CAMKV: variants seen among roughly 807,000 people sequenced by gnomAD.
CAMKV encodes the protein caM kinase-like vesicle-associated protein.
In CAMKV, 5 loss-of-function variants were observed where a neutral mutation model predicts 50.2. That is an observed-to-expected ratio of 0.10 (90% CI 0.05 to 0.21). The LOEUF (loss-of-function observed/expected upper bound fraction) is 0.21. CAMKV is among the 10% of genes least tolerant of loss of function. The probability of loss-of-function intolerance (pLI) is 1.00; values close to 1 mark genes in which losing one functional copy is unlikely to be tolerated. For synonymous variants in CAMKV, 229 were observed against 250.1 expected, an observed-to-expected ratio of 0.92 and a Z score of 0.80; for missense variants, 361 against 650.5, an observed-to-expected ratio of 0.55 and a Z score of 4.84.
chr3:49,865,218 G>T, intron 1 of CAMKV, among the ~76,000 whole-genome samples: 1 of 152,248 alleles, frequency 6.6e-6, no homozygotes, highest in East Asian at 1.9e-4. Flanking sequence ...GGAGAAGCAT[G>T]TGGCCAGAAT....
Position 49,869,381 on chromosome 3 carries a change from T to C in CAMKV, c.-15+377A>G, listed in dbSNP as rs2082089205. 6.6e-6 allele frequency among the ~76,000 whole-genome samples: 1 copy of C among 151,980 alleles called. No homozygotes were observed. Among genetic ancestry groups the C allele is most frequent in the African/African-American group, 2.4e-5 (1 of 41,358 alleles). On this transcript the variant is annotated intron_variant, in intron 1 of 10. Transcript: ENST00000477224. The surrounding 1 kb of genome is among the most constrained non-coding windows in gnomAD (Gnocchi z 5.2). Reference sequence around the variant, plus strand: ...CGTTGTCATGGAAATTAGTGACTGCTAAGCGGGAGGGAAGGGGCCCGGGGA... The same window carrying C: ...CGTTGTCATGGAAATTAGTGACTGCCAAGCGGGAGGGAAGGGGCCCGGGGA...
rs532099388 is a variant in CAMKV, at chr3:49,861,920, C to T, written c.228-55G>A. The stretch of plus-strand genomic sequence containing the variant: ...GGGCTGGATGAACCCCTGGGAGAGG[C>T]TGTGGTCACCACAGTGGCCACAGCA... On this transcript the variant is annotated intron_variant, in intron 3 of 10. Coordinates refer to ENST00000477224, the MANE Select transcript of CAMKV (RefSeq NM_024046.5). The surrounding 1 kb of genome is among the most constrained non-coding windows in gnomAD (Gnocchi z 7.7). The T allele has an allele frequency of 5.6e-6, 9 of 1,609,182 alleles. No individual in the cohort carries two copies. The African/African-American group carries it at 6.7e-5, about 12-fold the overall frequency.
At position 49,859,476 on chromosome 3, in the gene CAMKV, C is replaced by T. The variant is rs1199790578; in HGVS notation, c.1348G>A (p.Ala450Thr). The change falls in exon 11 of 11, where the codon GCC becomes ACC. Residue 450 changes from alanine to threonine, a missense_variant. Physicochemically the swap from Ala to Thr is moderately conservative, Grantham distance 58. Transcript: ENST00000477224. This position sits in a 1 kb window ranked among gnomAD's most constrained non-coding sequence, Gnocchi z 5.5. ...GCAGCTGCCTTGGTGGCCAGCATGGCACTGCTTTGGGTGGTGGGCACAGTG... is the reference window on the plus strand; with the variant it reads ...GCAGCTGCCTTGGTGGCCAGCATGGTACTGCTTTGGGTGGTGGGCACAGTG... ...ESTVPTTQSS[A>T]MLATKAAATP... 6.8e-6 allele frequency: 11 copies of T among 1,614,158 alleles called. No individual in the cohort carries two copies. The East Asian group carries it at 1.6e-4, about 23-fold the overall frequency.
chr3:49,860,689 C>G lies in CAMKV; in HGVS notation c.775+27G>C. On this transcript the variant is annotated intron_variant, in intron 8 of 10. Transcript: ENST00000477224. This position sits in a 1 kb window ranked among gnomAD's most constrained non-coding sequence, Gnocchi z 6.1. ...ACCCTCCCCACTCCCTTGCGTTCTA[C>G]CAAGTGCTGGGCAGGCACCTCCTCA... 3 of 1,613,764 alleles carry G rather than the reference C, an allele frequency of 1.9e-6. No homozygotes were observed. The highest frequency in any genetic ancestry group is 2.5e-6 in the Non-Finnish European group (3 of 1,179,762).
At position 49,861,640 on chromosome 3, in the gene CAMKV, G is replaced by A. The variant is rs1387807557; in HGVS notation, c.303-63C>T. On this transcript the variant is annotated intron_variant, in intron 4 of 10. Transcript: ENST00000477224. This position sits in a 1 kb window ranked among gnomAD's most constrained non-coding sequence, Gnocchi z 7.7. ...ATCAGGGGTAGGGCAGGAGCACTTG[G>A]GTGAGCTGCCTACGCCAGGCAGCTG... 6.2e-7 allele frequency: 1 copy of A among 1,610,650 alleles called. No homozygotes were observed. Among genetic ancestry groups the A allele is most frequent in the Non-Finnish European group, 8.5e-7 (1 of 1,177,902 alleles).
Position 49,861,581 on chromosome 3 carries a change from A to G in CAMKV, c.303-4T>C, listed in dbSNP as rs1373352757. ...AAACACCTCCCTCCCCGTGGCCCTG[A>G]GGGACACCAGCCCCTGAGCCTGGCG... On this transcript the variant is annotated splice_polypyrimidine_tract_variant and splice_region_variant and intron_variant, in intron 4 of 10. Transcript: ENST00000477224. The surrounding 1 kb of genome is among the most constrained non-coding windows in gnomAD (Gnocchi z 7.7). The G allele has an allele frequency of 2.5e-6, 4 of 1,613,972 alleles. No homozygotes were observed. Among genetic ancestry groups the G allele is most frequent in the Non-Finnish European group, 1.7e-6 (2 of 1,179,988 alleles).
In CAMKV at chr3:49,861,941, C is replaced by G. The variant is rs1011983570; in HGVS notation, c.228-76G>C. 13 of 1,607,404 alleles carry G rather than the reference C, an allele frequency of 8.1e-6. No homozygotes were observed. Among genetic ancestry groups the G allele is most frequent in the South Asian group, 4.4e-5 (4 of 90,428 alleles). On this transcript the variant is annotated intron_variant, in intron 3 of 10. Coordinates refer to ENST00000477224, the MANE Select transcript of CAMKV (RefSeq NM_024046.5). The surrounding 1 kb of genome is among the most constrained non-coding windows in gnomAD (Gnocchi z 7.7). ...GAGGCTGTGGTCACCACAGTGGCCACAGCAGACTAATTGGCCAGAGGCTGG... is the reference window on the plus strand; with the variant it reads ...GAGGCTGTGGTCACCACAGTGGCCAGAGCAGACTAATTGGCCAGAGGCTGG...
At chr3:49,866,173 G>C (rs538126313) in intron 1 of CAMKV, among the ~76,000 whole-genome samples, 3 of 152,292 alleles carry the variant, frequency 2.0e-5, no homozygotes, top group Admixed American at 6.5e-5. Flanking sequence ...AGGGCAAAGA[G>C]AGGAGAAAGA....
In CAMKV at chr3:49,859,045, A is replaced by G; in HGVS notation, c.*273T>C. ...TCCCTAGAGCAGCATCCCACAAGGA[A>G]CAGAAACTGGTGAAGCTAGCAAAAG... On this transcript the variant is annotated 3_prime_UTR_variant, in exon 11 of 11. Coordinates refer to ENST00000477224, the MANE Select transcript of CAMKV (RefSeq NM_024046.5). The surrounding 1 kb of genome is among the most constrained non-coding windows in gnomAD (Gnocchi z 5.5). 5 of 376,348 alleles carry G rather than the reference A, an allele frequency of 1.3e-5. No individual in the cohort carries two copies. Among genetic ancestry groups the G allele is most frequent in the Non-Finnish European group, 2.4e-5 (5 of 209,144 alleles). The allele number at this position is 376,348 out of a possible 1,614,324, so 23.3% of individuals were successfully genotyped here.
At chr3:49,867,619 G>C (rs1048706538) in intron 1 of CAMKV, among the ~76,000 whole-genome samples, 1 of 152,182 alleles carries the variant, frequency 6.6e-6, no homozygotes, top group Non-Finnish European at 1.5e-5. Context: ...ACAAGGGGAG[G>C]GGGAGGGGAG....
At position 49,859,782 on chromosome 3, in the gene CAMKV, G is replaced by A; in HGVS notation, c.1042C>T (p.Pro348Ser). The change falls in exon 11 of 11, where the codon CCC (proline) becomes TCC (serine). Residue 348 changes from proline (P) to serine (S), a missense_variant. By Grantham distance (74) the Pro-to-Ser change is moderately conservative. Around this residue, in one of 4 missense-constraint regions of CAMKV, gnomAD observed 87 missense variants for 92.0 expected, o/e 0.95. Transcript: ENST00000477224. The surrounding 1 kb of genome is among the most constrained non-coding windows in gnomAD (Gnocchi z 5.5). The part of the protein sequence containing the change: ...QSASATDTAT[P>S]GAAGGATAAA... ...GCTGTGGCCCCACCTGCAGCCCCGG[G>A]GGTGGCAGTGTCTGTGGCTGAGGCC... 1.3e-6 allele frequency: 2 copies of A among 1,556,306 alleles called. No homozygotes were observed. The highest frequency in any genetic ancestry group is 1.7e-6 in the Non-Finnish European group (2 of 1,152,954).
At position 49,861,699 on chromosome 3, in the gene CAMKV, G is replaced by A; in HGVS notation, c.302+92C>T. 1 of 1,591,372 alleles carries A rather than the reference G, an allele frequency of 6.3e-7. No individual in the cohort carries two copies. Among genetic ancestry groups the A allele is most frequent in the Non-Finnish European group, 8.6e-7 (1 of 1,161,992 alleles). The stretch of plus-strand genomic sequence containing the variant: ...AGGCACAGGGACCTGGGACGCCAAG[G>A]GTCCAGAAAGGGGGTTTCCTTAGCT... On this transcript the variant is annotated intron_variant, in intron 4 of 10. Coordinates refer to ENST00000477224, the MANE Select transcript of CAMKV (RefSeq NM_024046.5). This position sits in a 1 kb window ranked among gnomAD's most constrained non-coding sequence, Gnocchi z 7.7.
chr3:49,869,704 C>A lies in CAMKV; in HGVS notation c.-15+54G>T. 6.6e-6 allele frequency: 1 copy of A among 152,496 alleles called. No homozygotes were observed. The highest frequency in any genetic ancestry group is 2.1e-4 in the South Asian group (1 of 4,844). The allele number at this position is 152,496 out of a possible 1,614,324, so 9.4% of individuals were successfully genotyped here. Reference sequence around the variant, plus strand: ...ACCTCGAGCCAGGGAAACAATCCCCCAAGGCCCCACAACCTGCGTTCGGGA... The same window carrying A: ...ACCTCGAGCCAGGGAAACAATCCCCAAAGGCCCCACAACCTGCGTTCGGGA... On this transcript the variant is annotated intron_variant, in intron 1 of 10. Transcript: ENST00000477224. The surrounding 1 kb of genome is among the most constrained non-coding windows in gnomAD (Gnocchi z 5.2).
chr3:49,861,096 T>C lies in CAMKV; in HGVS notation c.563-78A>G, dbSNP rs1381511255. On this transcript the variant is annotated intron_variant, in intron 6 of 10. Coordinates refer to ENST00000477224, the MANE Select transcript of CAMKV (RefSeq NM_024046.5). The surrounding 1 kb of genome is among the most constrained non-coding windows in gnomAD (Gnocchi z 7.7). ...TACCATCCACACCAGCTTCCTGAGA[T>C]GAGCACATTTTCCCCCTGCCCAGAG... The C allele has an allele frequency of 6.2e-7, 1 of 1,603,678 alleles. No homozygotes were observed. The highest frequency in any genetic ancestry group is 1.7e-5 in the Admixed American group (1 of 58,466).
In CAMKV at chr3:49,862,005, C is replaced by T; in HGVS notation, c.227+40G>A. On this transcript the variant is annotated intron_variant, in intron 3 of 10. Transcript: ENST00000477224. The surrounding 1 kb of genome is among the most constrained non-coding windows in gnomAD (Gnocchi z 5.2). Reference sequence around the variant, plus strand: ...CACTTGCCCTCTAAGCCCTTCCCTGCTGCCTCCCACCCCGCCCCAATCCCA... The same window carrying T: ...CACTTGCCCTCTAAGCCCTTCCCTGTTGCCTCCCACCCCGCCCCAATCCCA... 6.2e-7 allele frequency: 1 copy of T among 1,613,466 alleles called. No homozygotes were observed. Among genetic ancestry groups the T allele is most frequent in the South Asian group, 1.1e-5 (1 of 90,960 alleles).
chr3:49,868,087 G>GC (rs1207733154), intron 1 of CAMKV, among the ~76,000 whole-genome samples: 1 of 152,180 alleles, frequency 6.6e-6, no homozygotes. Flanking sequence ...AGCTGCTGCA[G>GC]CCCCCCAGTC....
intron 1 of CAMKV, among the ~76,000 whole-genome samples, chr3:49,867,855 G>A (rs944112319): frequency 6.6e-6 from 1 of 152,228 alleles, no homozygotes; most frequent in Non-Finnish European, 1.5e-5. Context: ...GGGCAGGAAA[G>A]GGGAGGTGGA....
intron 1 of CAMKV, among the ~76,000 whole-genome samples, chr3:49,868,788 G>A (rs1408245640): frequency 1.3e-5 from 2 of 152,182 alleles, no homozygotes; most frequent in African/African-American, 4.8e-5. Context: ...CTGGACTTGG[G>A]GGTAAGGGGA....
At chr3:49,867,302 C>T (rs1559458455) in intron 1 of CAMKV, among the ~76,000 whole-genome samples, 1 of 152,358 alleles carries the variant, frequency 6.6e-6, no homozygotes, top group East Asian at 1.9e-4. Flanking sequence ...ACTGAGCCTC[C>T]GGCTCGAGCT....
Sources: allele counts gnomAD v4.1 joint callset (sites outside exome capture counted in the v4.1 genomes callset), GRCh38; gene constraint gnomAD v4.1.1; regional missense constraint gnomAD v4.1.1; non-coding constraint Gnocchi (gnomAD v3.1); transcripts MANE v1.5; gene names NCBI Gene and HGNC (gene_info 2026-07-23, HGNC 2026-07-21).